CALN1: variants seen among roughly 807,000 people sequenced by gnomAD.
CALN1 encodes calcium-binding protein 8.
In CALN1, 17 loss-of-function variants were observed where a neutral mutation model predicts 30.6. The ratio of observed to expected loss-of-function variants is 0.56; its 90% CI spans 0.38 to 0.83. CALN1 has a LOEUF of 0.83. CALN1 is among the 40% of genes least tolerant of loss of function. CALN1 has a pLI of 0.00. For synonymous variants in CALN1, 156 were observed against 131.4 expected (o/e 1.19, Z -1.28); for missense variants, 291 against 354.9 (o/e 0.82, Z 1.45).
At position 72,369,329 on chromosome 7, in the gene CALN1, T is replaced by C. The variant is rs939026034; in HGVS notation, c.119+33922A>G. ...TATTTATAAATATTTATAATATATA[T>C]AATTTATAAATATTATAAATATTTA... On this transcript the variant is annotated intron_variant, in intron 2 of 6. Transcript: ENST00000395275. Among the ~76,000 whole-genome samples, 11 of 144,310 alleles carry C rather than the reference T, an allele frequency of 7.6e-5. No individual in the cohort carries two copies. The East Asian group carries it at 2.2e-3, about 28-fold the overall frequency. 94.7% of individuals were successfully genotyped at this position (144,310 alleles called of 152,430 possible).
chr7:72,304,284 C>T (rs1474016414), intron 2 of CALN1, among the ~76,000 whole-genome samples: 1 of 152,218 alleles, frequency 6.6e-6, no homozygotes, highest in Admixed American at 6.5e-5. Flanking sequence ...CACGTTCTTC[C>T]TGTCTTTCAA....
intron 5 of CALN1, among the ~76,000 whole-genome samples, chr7:71,931,135 T>C (rs1214346834): frequency 6.6e-6 from 1 of 152,240 alleles, no homozygotes; most frequent in Non-Finnish European, 1.5e-5. Flanking sequence ...TTTTTCTTTT[T>C]GAAATGTGGG....
At chr7:72,437,703 C>CTCTT (rs1445703271) in intron 1 of CALN1, among the ~76,000 whole-genome samples, 1 of 40,110 alleles carries the variant, frequency 2.5e-5, no homozygotes, top group Non-Finnish European at 5.1e-5. Flanking sequence ...CCCTCCCTCT[C>CTCTT]TCTTTCTTTC....
intron 3 of CALN1, among the ~76,000 whole-genome samples, chr7:72,172,280 G>A (rs1320489401): frequency 6.6e-6 from 1 of 152,176 alleles, no homozygotes; most frequent in Non-Finnish European, 1.5e-5. Context: ...CTGAGAAGAT[G>A]CCATAAAGAT....
chr7:72,449,053 G>A (rs887342299), upstream of CALN1, among the ~76,000 whole-genome samples: 1 of 152,098 alleles, frequency 6.6e-6, no homozygotes, highest in African/African-American at 2.4e-5. Flanking sequence ...GTGTCAGAGT[G>A]AACCCCAGAT....
upstream of CALN1, among the ~76,000 whole-genome samples, chr7:72,449,312 T>G: frequency 6.6e-6 from 1 of 152,176 alleles, no homozygotes; most frequent in East Asian, 1.9e-4. Context: ...TGAGAAAATC[T>G]GAGCAGGATC....
At chr7:72,375,498 C>T (rs1284700544) in intron 2 of CALN1, among the ~76,000 whole-genome samples, 1 of 148,674 alleles carries the variant, frequency 6.7e-6, no homozygotes, top group Non-Finnish European at 1.5e-5. Flanking sequence ...TTCTGGAGGT[C>T]GAGGCTGCAG....
At chr7:71,946,767 T>C (rs1458304916) in intron 5 of CALN1, among the ~76,000 whole-genome samples, 1 of 152,262 alleles carries the variant, frequency 6.6e-6, no homozygotes, top group Non-Finnish European at 1.5e-5. Flanking sequence ...CTGTAAGGCA[T>C]TGGATGGTAC....
intron 4 of CALN1, among the ~76,000 whole-genome samples, chr7:72,091,190 G>A (rs1248911686): frequency 1.3e-5 from 2 of 152,162 alleles, no homozygotes; most frequent in Non-Finnish European, 2.9e-5. Context: ...AAATTAGCCA[G>A]GCCTGGTGGT....
chr7:72,145,046 A>C (rs2129543722), intron 3 of CALN1, among the ~76,000 whole-genome samples: 2 of 152,342 alleles, frequency 1.3e-5, no homozygotes, highest in African/African-American at 4.8e-5. Flanking sequence ...ACACCCTAAC[A>C]TCACAATTAA....
intron 2 of CALN1, among the ~76,000 whole-genome samples, chr7:72,339,488 C>A (rs1253001762): frequency 6.6e-6 from 1 of 152,132 alleles, no homozygotes; most frequent in Non-Finnish European, 1.5e-5. Context: ...AGGTACCTAG[C>A]TAGCCCTGAG....
chr7:71,861,969 G>A (rs947367363), intron 5 of CALN1, among the ~76,000 whole-genome samples: 2 of 152,258 alleles, frequency 1.3e-5, no homozygotes, highest in East Asian at 3.9e-4. Flanking sequence ...GCAGAAGCAG[G>A]GAATGGGAAG....
intron 5 of CALN1, among the ~76,000 whole-genome samples, chr7:72,008,188 A>T (rs1799879103): frequency 1.3e-5 from 2 of 152,238 alleles, no homozygotes; most frequent in Admixed American, 1.3e-4. Context: ...GATACAATAA[A>T]TAGTATGAAG....
chr7:72,410,728 A>AT (rs1350322338), intron 1 of CALN1, among the ~76,000 whole-genome samples: 2 of 152,222 alleles, frequency 1.3e-5, no homozygotes, highest in African/African-American at 4.8e-5. Flanking sequence ...TGAAAATCAG[A>AT]GTAAAATAGG....
intron 2 of CALN1, chr7:72,336,617 G>C (rs1293181601): frequency 3.3e-6 from 3 of 896,488 alleles, no homozygotes; most frequent in Non-Finnish European, 4.0e-6. Context: ...CCGGGGGTTT[G>C]GACACCCTAG....
chr7:71,831,701 C>T (rs1789285370), intron 5 of CALN1, among the ~76,000 whole-genome samples: 1 of 150,674 alleles, frequency 6.6e-6, no homozygotes, highest in Non-Finnish European at 1.5e-5. Context: ...GTCTAGGCAA[C>T]ATGGCAAAAC....
chr7:72,336,660 G>C (rs967059789), intron 2 of CALN1: 5 of 981,824 alleles, frequency 5.1e-6, no homozygotes, highest in East Asian at 1.1e-4. Context: ...GAAGAAAAGA[G>C]AGCGCGCGCG....
At chr7:72,402,056 C>T (rs1806377870) in intron 2 of CALN1, among the ~76,000 whole-genome samples, 1 of 152,198 alleles carries the variant, frequency 6.6e-6, no homozygotes, top group Non-Finnish European at 1.5e-5. Flanking sequence ...CTGACTCTAG[C>T]CAACCTTCCT....
At chr7:72,240,480 C>T (rs967051033) in intron 3 of CALN1, among the ~76,000 whole-genome samples, 1 of 152,196 alleles carries the variant, frequency 6.6e-6, no homozygotes, top group Non-Finnish European at 1.5e-5. Context: ...CAGGTATGAG[C>T]TGCTGCGACT....
Sources: gnomAD v4.1 joint callset for allele counts (sites outside exome capture counted in the v4.1 genomes callset) on GRCh38, gnomAD v4.1.1 for gene constraint, MANE v1.5 for transcripts, NCBI Gene and HGNC (gene_info 2026-07-23, HGNC 2026-07-21) for gene names.